GLT8D2: variants seen among roughly 807,000 people sequenced by gnomAD.
GLT8D2 encodes the protein glycosyltransferase 8 domain containing 2.
GLT8D2 carries 45 observed loss-of-function variants against 44.5 expected under a neutral mutation model. The observed-to-expected ratio is 1.01, with a 90% confidence interval of 0.80 to 1.30. GLT8D2 has a LOEUF of 1.30. Among genes scored for constraint, GLT8D2 ranks in the 50% most tolerant of loss-of-function variants. GLT8D2 has a pLI of 0.00. For synonymous variants in GLT8D2, 156 were observed against 157.2 expected, an observed-to-expected ratio of 0.99 and a Z score of 0.06; for missense variants, 400 against 430.4, an observed-to-expected ratio of 0.93 and a Z score of 0.62.
intron 1 of GLT8D2, among the ~76,000 whole-genome samples, chr12:104,026,503 C>T (rs1014365779): frequency 1.8e-4 from 27 of 152,070 alleles, no homozygotes; most frequent in African/African-American, 3.1e-4. Flanking sequence ...CTTTGTTTCC[C>T]GGTTTTCCCA....
At position 103,997,478 on chromosome 12, in the gene GLT8D2, A is replaced by G; in HGVS notation, c.460T>C (p.Tyr154His). 6.2e-7 allele frequency: 1 copy of G among 1,613,782 alleles called. No homozygotes were observed. The highest frequency in any genetic ancestry group is 1.1e-5 in the South Asian group (1 of 91,072). The change falls in exon 7 of 11, where the codon TAT becomes CAT. Residue 154 changes from tyrosine to histidine, a missense_variant. Transcript: ENST00000360814. ...TGTACAATTACATCATCGTCCAAAT[A>G]GATGACTTTCTCGTGTTGGTGGATA... ...LLIHQHEKVI[Y>H]LDDDVIVQGD...
At chr12:104,026,930 C>G (rs367937555) in intron 1 of GLT8D2, among the ~76,000 whole-genome samples, 25 of 152,144 alleles carry the variant, frequency 1.6e-4, no homozygotes, top group African/African-American at 6.0e-4. Context: ...GGAATAATAA[C>G]CTTTAGAAAC....
chr12:104,012,526 A>C (rs1875999632), intron 4 of GLT8D2: 1 of 326,696 alleles, frequency 3.1e-6, no homozygotes, highest in East Asian at 5.0e-5. Context: ...TGAAGAAGGG[A>C]GTCTGTGGTG....
intron 8 of GLT8D2, among the ~76,000 whole-genome samples, chr12:103,995,396 G>A (rs1873284552): frequency 6.6e-6 from 1 of 152,110 alleles, no homozygotes; most frequent in African/African-American, 2.4e-5. Context: ...ACTCACCCCT[G>A]CCTCAAGATC....
intron 4 of GLT8D2, among the ~76,000 whole-genome samples, chr12:104,006,085 G>C (rs540404238): frequency 5.1e-4 from 77 of 152,248 alleles, no homozygotes; most frequent in African/African-American, 1.8e-3. Flanking sequence ...CCTTTGTAGG[G>C]ACATGGATGA....
chr12:103,990,125 A>ATC, intron 10 of GLT8D2, among the ~76,000 whole-genome samples: 3 of 69,050 alleles, frequency 4.3e-5, no homozygotes, highest in Non-Finnish European at 2.9e-5. Context: ...ATATATATAT[A>ATC]TATATATATG....
upstream of GLT8D2, chr12:104,050,330 C>T (rs1170196264): frequency 6.6e-6 from 1 of 152,238 alleles, no homozygotes; most frequent in African/African-American, 2.4e-5. Flanking sequence ...CAAATGCTTT[C>T]AGGGTGAATT....
chr12:104,048,538 C>A (rs1304962237), intron 1 of GLT8D2, among the ~76,000 whole-genome samples: 1 of 151,984 alleles, frequency 6.6e-6, no homozygotes, highest in South Asian at 2.1e-4. Context: ...CCTTAATGAA[C>A]CTCACATTTT....
chr12:104,043,491 G>A (rs1012756467), intron 1 of GLT8D2, among the ~76,000 whole-genome samples: 2 of 152,108 alleles, frequency 1.3e-5, no homozygotes, highest in Non-Finnish European at 1.5e-5. Flanking sequence ...TTTTGAGATG[G>A]AGTTTTGTTC....
At chr12:104,022,033 AAG>A (rs1877931986) in intron 1 of GLT8D2, among the ~76,000 whole-genome samples, 1 of 131,694 alleles carries the variant, frequency 7.6e-6, no homozygotes, top group Admixed American at 7.4e-5. Context: ...AAAGAAGAAG[AAG>A]AAGAAGAAGA....
chr12:104,046,307 G>T (rs1881146610), intron 1 of GLT8D2, among the ~76,000 whole-genome samples: 3 of 152,186 alleles, frequency 2.0e-5, no homozygotes. Flanking sequence ...GCTAGGCATT[G>T]TTCTACGACT....
intron 4 of GLT8D2, among the ~76,000 whole-genome samples, chr12:104,012,191 T>A (rs4964442): frequency 0.024 from 2,080 of 88,444 alleles, 20 homozygotes; most frequent in South Asian, 0.051. Flanking sequence ...AAAAAAAAAA[T>A]ATATATATAT....
In GLT8D2 at chr12:103,989,227, C is replaced by G. The variant is rs181748546; in HGVS notation, c.*181G>C. 1.3e-5 allele frequency: 6 copies of G among 451,046 alleles called. No homozygotes were observed. The highest frequency in any genetic ancestry group is 8.0e-5 in the African/African-American group (4 of 50,138). 27.9% of individuals were successfully genotyped at this position (451,046 alleles called of 1,614,324 possible). A position where few individuals can be genotyped will look rare whatever the true frequency, so the allele number is the denominator to read the frequency against. ...TTGATTTCCATAGTTATCACATGTA[C>G]TTAAAGAAGTTAATCAATGCCTATA... On this transcript the variant is annotated 3_prime_UTR_variant, in exon 11 of 11. Transcript: ENST00000360814.
chr12:103,995,925 C>G (rs1401671631), intron 8 of GLT8D2, among the ~76,000 whole-genome samples: 2 of 152,178 alleles, frequency 1.3e-5, no homozygotes, highest in East Asian at 3.8e-4. Flanking sequence ...TAATTTAATT[C>G]TCACGATAAC....
intron 1 of GLT8D2, among the ~76,000 whole-genome samples, chr12:104,026,821 C>A (rs78959193): frequency 0.088 from 13,385 of 152,208 alleles, 892 homozygotes; most frequent in East Asian, 0.3. Context: ...CTTGAAAACT[C>A]AAAGTTTGTT....
intron 1 of GLT8D2, chr12:104,031,672 C>T (rs1593559308): frequency 1.4e-6 from 1 of 705,534 alleles, no homozygotes; most frequent in Non-Finnish European, 2.4e-6. Context: ...CAGATGGGGA[C>T]CAGTGGCTCC....
chr12:104,050,631 G>A (rs577443586), upstream of GLT8D2, among the ~76,000 whole-genome samples: 1 of 152,224 alleles, frequency 6.6e-6, no homozygotes, highest in East Asian at 1.9e-4. Context: ...GCGCTGTTCT[G>A]TATCTCTGCG....
At position 104,021,964 on chromosome 12, in the gene GLT8D2, AGG is replaced by A. The variant is rs1491237351; in HGVS notation, c.-163-475_-163-474del. The stretch of plus-strand genomic sequence containing the variant: ...GAAGAAGAAGAAGAAGAGGAAGAAG[AGG>A]AAGAGGAAGAGGAAGAGGAAGAAGA... On this transcript the variant is annotated intron_variant, in intron 1 of 10. Transcript: ENST00000360814. Among the ~76,000 whole-genome samples the A allele has an allele frequency of 1.0e-3, 19 of 18,790 alleles. 4 individuals are homozygous for A. Among genetic ancestry groups the A allele is most frequent in the Non-Finnish European group, 1.9e-3 (12 of 6,452 alleles). The allele number at this position is 18,790 out of a possible 152,430, so 12.3% of individuals were successfully genotyped here. A position where few individuals can be genotyped will look rare whatever the true frequency, so the allele number is the denominator to read the frequency against.
At chr12:104,023,482 T>C (rs1422617347) in intron 1 of GLT8D2, among the ~76,000 whole-genome samples, 8 of 152,374 alleles carry the variant, frequency 5.3e-5, no homozygotes, top group African/African-American at 1.9e-4. Flanking sequence ...ATGACACATT[T>C]ACTAAAGGAA....
Sources: gnomAD v4.1 joint callset for allele counts (sites outside exome capture counted in the v4.1 genomes callset) on GRCh38, gnomAD v4.1.1 for gene constraint, MANE v1.5 for transcripts, NCBI Gene and HGNC (gene_info 2026-07-23, HGNC 2026-07-21) for gene names.